RUFY3: variants seen among roughly 807,000 people sequenced by gnomAD.
RUFY3 encodes RUN and FYVE domain containing 3, also known as protein RUFY3.
A neutral mutation model predicts 84.0 loss-of-function variants in RUFY3; 34 were observed. The ratio of observed to expected loss-of-function variants is 0.40; its 90% CI spans 0.31 to 0.54. The LOEUF (loss-of-function observed/expected upper bound fraction) is 0.54, where lower values mean the gene tolerates loss of function less well. Among genes scored for constraint, RUFY3 ranks in the 20% least tolerant of loss-of-function variants. The pLI is 0.39. For synonymous variants in RUFY3, 242 were observed against 252.9 expected, an observed-to-expected ratio of 0.96 and a Z score of 0.41; for missense variants, 507 against 736.8, an observed-to-expected ratio of 0.69 and a Z score of 3.61.
At chr4:70,734,468 C>A in intron 1 of RUFY3, 1 of 984,218 alleles carries the variant, frequency 1.0e-6, no homozygotes, top group South Asian at 4.7e-5. Context: ...CAGTGAACTT[C>A]TCAAAGTGAG....
At chr4:70,791,581 TTCTTTAAAAAAGCCTAGGGAATTGAAGC>T in intron 12 of RUFY3, 1 of 1,228,546 alleles carries the variant, frequency 8.1e-7, no homozygotes. Context: ...AAATACCACT[TTCTTTAAAAAAGCCTAGGGAATTGAAGC>T]TCTGTACATA....
chr4:70,788,013 G>A (rs778634942), intron 10 of RUFY3, among the ~76,000 whole-genome samples: 2 of 152,114 alleles, frequency 1.3e-5, no homozygotes, highest in Non-Finnish European at 2.9e-5. Flanking sequence ...GCGGCCGAGT[G>A]TGGTGGCTCA....
Position 70,800,720 on chromosome 4 carries a change from T to C in RUFY3, c.1622+515T>C, listed in dbSNP as rs1732116453. ...CAACATGGTGAAACCCGGTCTCTAC[T>C]AACGATACAAAATTAGTCGGGTCTG... On this transcript the variant is annotated intron_variant, in intron 15 of 17. Coordinates refer to ENST00000381006, the MANE Select transcript of RUFY3 (RefSeq NM_001037442.4). Among the ~76,000 whole-genome samples, 6 of 151,876 alleles carry C rather than the reference T, an allele frequency of 4.0e-5. No homozygotes were observed. The South Asian group carries it at 1.2e-3, about 32-fold the overall frequency.
intron 10 of RUFY3, among the ~76,000 whole-genome samples, chr4:70,785,830 C>T (rs773041261): frequency 1.5e-4 from 23 of 151,920 alleles, no homozygotes; most frequent in South Asian, 4.1e-4. Flanking sequence ...AGCCAGACTC[C>T]GTCTCAAAAA....
At chr4:70,730,244 A>G (rs144022947) in intron 1 of RUFY3, among the ~76,000 whole-genome samples, 165 of 151,896 alleles carry the variant, frequency 1.1e-3, no homozygotes, top group African/African-American at 3.5e-3. Context: ...TTTTCTATTA[A>G]CCTTCTTTTA....
Position 70,794,805 on chromosome 4 carries a change from G to A in RUFY3, c.1468G>A (p.Glu490Lys). ...TCCAACTTACCTCAGGAACCAGCTT[G>A]AGTTAGAACTAAAACAGGAAAAAGA... ...EELTRQRNQL[E>K]LELKQEKERR... The change falls in exon 14 of 18, where the codon GAG becomes AAG. Residue 490 changes from glutamate to lysine, a missense_variant. Transcript: ENST00000381006. The A allele has an allele frequency of 6.2e-7, 1 of 1,610,834 alleles. No individual in the cohort carries two copies. The highest frequency in any genetic ancestry group is 8.5e-7 in the Non-Finnish European group (1 of 1,177,566).
At chr4:70,709,924 T>C (rs1740777178) in intron 1 of RUFY3, among the ~76,000 whole-genome samples, 1 of 152,152 alleles carries the variant, frequency 6.6e-6, no homozygotes, top group African/African-American at 2.4e-5. Context: ...TTAAGTGCTG[T>C]TTTGAGATAG....
intron 1 of RUFY3, among the ~76,000 whole-genome samples, chr4:70,736,597 G>C (rs1435833328): frequency 6.6e-6 from 1 of 151,654 alleles, no homozygotes; most frequent in African/African-American, 2.4e-5. Flanking sequence ...CTGAGACGGA[G>C]TTTTGCTCTT....
intron 8 of RUFY3, 135 bp downstream of exon 8, chr4:70,778,573 C>CTTTTTTTTTTTTTTT (rs377520137): frequency 1.3e-5 from 2 of 151,824 alleles, no homozygotes; most frequent in Admixed American, 9.7e-5. Context: ...ACTTCTTATT[C>CTTTTTTTTTTTTTTT]TTTTTTTTTT....
intron 14 of RUFY3, among the ~76,000 whole-genome samples, chr4:70,798,498 G>C (rs995376214): frequency 6.6e-6 from 1 of 152,086 alleles, no homozygotes; most frequent in Non-Finnish European, 1.5e-5. Context: ...CCTTAGAACT[G>C]CCCAGCACCT....
At chr4:70,741,659 C>G (rs1560477949) in intron 1 of RUFY3, 3 of 1,521,650 alleles carry the variant, frequency 2.0e-6, no homozygotes, top group Non-Finnish European at 1.8e-6. Flanking sequence ...TTTGGTGGAG[C>G]AAATGCGCGA....
chr4:70,792,500 A>C (rs2148803909), intron 12 of RUFY3: 2 of 985,070 alleles, frequency 2.0e-6, no homozygotes, highest in Middle Eastern at 5.2e-4. Flanking sequence ...AATCCTATAA[A>C]CAGTTTGATT....
chr4:70,770,260 T>C (rs1726730272), intron 5 of RUFY3, among the ~76,000 whole-genome samples: 1 of 152,254 alleles, frequency 6.6e-6, no homozygotes, highest in Non-Finnish European at 1.5e-5. Context: ...AGAGTCAGTC[T>C]GTCCTTTGCA....
At chr4:70,750,277 A>T (rs1160353101) in intron 1 of RUFY3, among the ~76,000 whole-genome samples, 1 of 152,142 alleles carries the variant, frequency 6.6e-6, no homozygotes, top group East Asian at 1.9e-4. Context: ...ATTTAATCTA[A>T]TACCTCCATT....
At chr4:70,742,568 C>A (rs931703264) in intron 1 of RUFY3, among the ~76,000 whole-genome samples, 1 of 152,176 alleles carries the variant, frequency 6.6e-6, no homozygotes, top group African/African-American at 2.4e-5. Flanking sequence ...ACAGCTTTGG[C>A]CCACATTCTT....
At chr4:70,704,638 GCCCCCTA>G (rs1257613594), upstream of RUFY3, 1 of 229,402 alleles carries the variant, frequency 4.4e-6, no homozygotes, top group Non-Finnish European at 8.3e-6. Context: ...GGAGGACGCT[GCCCCCTA>G]GGGGAGCCGA....
intron 1 of RUFY3, among the ~76,000 whole-genome samples, chr4:70,735,885 G>T (rs967398879): frequency 1.3e-5 from 2 of 152,112 alleles, no homozygotes; most frequent in African/African-American, 2.4e-5. Flanking sequence ...CTACTCAGGA[G>T]GCTGAGGCAG....
upstream of RUFY3, chr4:70,704,625 A>C: frequency 6.0e-5 from 12 of 200,892 alleles, no homozygotes; most frequent in Middle Eastern, 1.7e-3. Flanking sequence ...GGGAGTGGGA[A>C]GAGGAGGACG....
At chr4:70,713,517 C>T (rs77885287) in intron 1 of RUFY3, among the ~76,000 whole-genome samples, 4,692 of 151,644 alleles carry the variant, frequency 0.031, 211 homozygotes, top group African/African-American at 0.094. Flanking sequence ...CCCTACCGAC[C>T]GGACAAGATA....
Sources: allele counts gnomAD v4.1 joint callset (sites outside exome capture counted in the v4.1 genomes callset), GRCh38; gene constraint gnomAD v4.1.1; transcripts MANE v1.5; gene names NCBI Gene and HGNC (gene_info 2026-07-23, HGNC 2026-07-21).